Variants in GHDC observed in about 807,000 individuals in gnomAD.
The protein encoded by GHDC is GH3 domain-containing protein.
Under a neutral mutation model 51.5 loss-of-function variants are expected in GHDC, and 39 were observed. The ratio of observed to expected loss-of-function variants is 0.76; its 90% confidence interval spans 0.59 to 0.99. The LOEUF is 0.99. Ranked by LOEUF, GHDC falls within the 50% of genes least tolerant of loss-of-function variation. The pLI is 0.00. For synonymous variants in GHDC, 282 were observed against 305.2 expected (o/e 0.92, Z 0.79); for missense variants, 610 against 672.8 (o/e 0.91, Z 1.03).
chr17:42,192,162 T>C (rs1305621436), intron 5 of GHDC, 79 bp downstream of exon 5: 3 of 1,478,412 alleles, frequency 2.0e-6, no homozygotes, highest in African/African-American at 1.4e-5. Context: ...GAGATGATTA[T>C]GTAGGGCCCA....
chr17:42,190,166 C>G lies in GHDC; in HGVS notation c.1374+19G>C. 1.9e-6 allele frequency: 3 copies of G among 1,608,660 alleles called. No individual in the cohort carries two copies. Among genetic ancestry groups the G allele is most frequent in the Non-Finnish European group, 2.5e-6 (3 of 1,177,060 alleles). ...GAGTGAAGGGGTCTACAGTCAGACC[C>G]TGTCCTCGTCTCCTTTACCTTGTCT... On this transcript the variant is annotated intron_variant, in intron 9 of 9. Coordinates refer to ENST00000587427, the MANE Select transcript of GHDC (RefSeq NM_032484.5).
Position 42,189,671 on chromosome 17 carries a change from G to A in GHDC, c.*32C>T, listed in dbSNP as rs749988474. ...CAGAGGGAGGGGCGAGGTGGCCTCT[G>A]GGGGGAGCTGGGCGGTGGGGCAGGA... On this transcript the variant is annotated 3_prime_UTR_variant, in exon 10 of 10. Coordinates refer to ENST00000587427, the MANE Select transcript of GHDC (RefSeq NM_032484.5). 5 of 1,224,718 alleles carry A rather than the reference G, an allele frequency of 4.1e-6. No individual in the cohort carries two copies. The highest frequency in any genetic ancestry group is 1.5e-5 in the African/African-American group (1 of 64,976). 75.9% of individuals were successfully genotyped at this position (1,224,718 alleles called of 1,614,324 possible).
At chr17:42,192,855 C>G (rs755112603) in intron 4 of GHDC, 51 bp downstream of exon 4, 13 of 1,596,420 alleles carry the variant, frequency 8.1e-6, no homozygotes, top group Non-Finnish European at 1.1e-5. Flanking sequence ...TCAGAGGTCT[C>G]TGGTGGGACT....
At position 42,193,387 on chromosome 17, in the gene GHDC, G is replaced by A. The variant is rs1489814158; in HGVS notation, c.195C>T (p.Ser65=). ...GACACCACCTCAGGGCCTGCTGCTG[G>A]CTCTGGTGCACATGGAGCGTGCTCT... is the stretch of plus-strand genomic sequence containing the variant. ...LEQSTLHVHQ[S]QQQALRWCLQ... is the part of the protein sequence containing the mutation. The change falls in exon 3 of 10, where the codon AGC becomes AGT. Residue 65 remains serine (S), a synonymous_variant. Transcript: ENST00000587427. The A allele has an allele frequency of 6.2e-7, 1 of 1,600,016 alleles. No individual in the cohort carries two copies. The highest frequency in any genetic ancestry group is 8.5e-7 in the Non-Finnish European group (1 of 1,173,704).
At position 42,189,869 on chromosome 17, in the gene GHDC, C is replaced by T. The variant is rs1251403217; in HGVS notation, c.1427G>A (p.Trp476Ter). ...ASPRYKSLRFWGSVGPARVHL... is the reference protein window; with the variant it reads ...ASPRYKSLRF ...GACTCTGGCAGGGCCCACGCTGCCC[C>T]AGAACCGCAGGGACTTGTAGCGGGG... is the stretch of plus-strand genomic sequence containing the variant. Residue 476 changes from tryptophan (W) to a stop codon, truncating the protein, a stop_gained, in exon 10 of 10, where the codon TGG becomes TAG. Transcript: ENST00000587427. LOFTEE classifies it high-confidence loss of function. 8 of 1,561,430 alleles carry T rather than the reference C, an allele frequency of 5.1e-6. No individual in the cohort carries two copies. The highest frequency in any genetic ancestry group is 5.2e-6 in the Non-Finnish European group (6 of 1,153,858).
intron 7 of GHDC, 30 bp from the exon 8 acceptor site, chr17:42,190,787 G>A (rs1231277117): frequency 5.6e-6 from 9 of 1,613,974 alleles, no homozygotes; most frequent in Non-Finnish European, 7.6e-6. Flanking sequence ...AGGCAGTGGA[G>A]CCCAGGACAC....
chr17:42,190,612 G>T lies in GHDC; in HGVS notation c.1288+12C>A. 1 of 1,607,226 alleles carries T rather than the reference G, an allele frequency of 6.2e-7. No homozygotes were observed. On this transcript the variant is annotated intron_variant, in intron 8 of 9. Transcript: ENST00000587427. ...TCAAGGATGGTAGGCAGGAGCCGGTGGGGAGGCTCACCCAGAATGCTGCTC... is the reference window on the plus strand; with the variant it reads ...TCAAGGATGGTAGGCAGGAGCCGGTTGGGAGGCTCACCCAGAATGCTGCTC...
rs1391283102 is a variant in GHDC, at chr17:42,193,428, G to A, written c.154C>T (p.Arg52Trp). Reference protein sequence around the residue: ...GALVWAATWQRRRLEQSTLHV... With the variant: ...GALVWAATWQWRRLEQSTLHV... ...AGCGTGCTCTGCTCCAGCCTCCGCCGCTGCCAGGTGGCTGCCCAGACCAGG... is the reference window on the plus strand; with the variant it reads ...AGCGTGCTCTGCTCCAGCCTCCGCCACTGCCAGGTGGCTGCCCAGACCAGG... The change falls in exon 3 of 10, where the codon CGG becomes TGG. Residue 52 changes from arginine to tryptophan, a missense_variant. Physicochemically the swap from Arg to Trp is moderately radical, Grantham distance 101 (BLOSUM62 -3). Transcript: ENST00000587427. 5 of 1,561,264 alleles carry A rather than the reference G, an allele frequency of 3.2e-6. No individual in the cohort carries two copies. The highest frequency in any genetic ancestry group is 1.2e-5 in the South Asian group (1 of 84,814).
At position 42,189,742 on chromosome 17, in the gene GHDC, C is replaced by T; in HGVS notation, c.1554G>A (p.Arg518=). 2.1e-5 allele frequency: 32 copies of T among 1,513,872 alleles called. No homozygotes were observed. The highest frequency in any genetic ancestry group is 2.8e-5 in the Non-Finnish European group (32 of 1,131,412). The allele number at this position is 1,513,872 out of a possible 1,614,324, so 93.8% of individuals were successfully genotyped here. The change falls in exon 10 of 10, where the codon AGG becomes AGA. Residue 518 remains arginine (R), a synonymous_variant. Coordinates refer to ENST00000587427, the MANE Select transcript of GHDC (RefSeq NM_032484.5). ...PPAMPRVLRH[R]HLAQCLQERV... is the part of the protein sequence containing the mutation. The stretch of plus-strand genomic sequence containing the variant: ...TCTCCTGCAGACACTGGGCCAGGTG[C>T]CTGTGCCGAAGGACCCGGGGCATCG...
rs1333958152 is a variant in GHDC, at chr17:42,193,008, A to T, written c.285T>A (p.Asn95Lys). Residue 95 changes from asparagine to lysine, a missense_variant, in exon 4 of 10, where the codon AAT becomes AAA. Asn to Lys is a moderately conservative substitution (Grantham distance 94). Coordinates refer to ENST00000587427, the MANE Select transcript of GHDC (RefSeq NM_032484.5). ...RRSTDISTFR[N>K]HLPLTKASQT... ...GGCTGGCCTTGGTCAGAGGGAGATG[A>T]TTCCGGAAGGTGCTTATGTCTATAG... 3 of 1,614,054 alleles carry T rather than the reference A, an allele frequency of 1.9e-6. No homozygotes were observed. The highest frequency in any genetic ancestry group is 2.5e-6 in the Non-Finnish European group (3 of 1,180,022).
chr17:42,189,910 G>A lies in GHDC; in HGVS notation c.1386C>T (p.Cys462=), dbSNP rs1306246240. 1.3e-6 allele frequency: 2 copies of A among 1,537,334 alleles called. No individual in the cohort carries two copies. Among genetic ancestry groups the A allele is most frequent in the Non-Finnish European group, 1.8e-6 (2 of 1,141,090 alleles). ...SEENRDKLDH[C]LQEASPRYKS... ...TGTAGCGGGGAGAGGCTTCCTGAAGGCAGTGGTCCAGCTGGGAACAGAACA... is the reference window on the plus strand; with the variant it reads ...TGTAGCGGGGAGAGGCTTCCTGAAGACAGTGGTCCAGCTGGGAACAGAACA... The change falls in exon 10 of 10, where the codon TGC becomes TGT. Residue 462 remains cysteine, a synonymous_variant. Transcript: ENST00000587427.
At chr17:42,189,957 A>C in intron 9 of GHDC, 36 bp from the exon 10 acceptor site, 1 of 1,460,690 alleles carries the variant, frequency 6.8e-7, no homozygotes, top group South Asian at 1.3e-5. Context: ...CTGGTGTGTG[A>C]CTGTGAGTGT....
chr17:42,192,761 A>C lies in GHDC; in HGVS notation c.388-19T>G, dbSNP rs1567649105. 6.5e-7 allele frequency: 1 copy of C among 1,530,776 alleles called. No individual in the cohort carries two copies. Among genetic ancestry groups the C allele is most frequent in the Non-Finnish European group, 8.7e-7 (1 of 1,143,740 alleles). 94.8% of individuals were successfully genotyped at this position (1,530,776 alleles called of 1,614,324 possible). A position where few individuals can be genotyped will look rare whatever the true frequency, so the allele number is the denominator to read the frequency against. On this transcript the variant is annotated intron_variant, in intron 4 of 9. Coordinates refer to ENST00000587427, the MANE Select transcript of GHDC (RefSeq NM_032484.5). Reference sequence around the variant, plus strand: ...AGGTGGCCTGGAGGAGGAAAGAGAGAATGTTGGTCTGGTGTCAGAGCCAGA... The same window carrying C: ...AGGTGGCCTGGAGGAGGAAAGAGAGCATGTTGGTCTGGTGTCAGAGCCAGA...
In GHDC at chr17:42,189,557, C is replaced by A. The variant is rs948427779; in HGVS notation, c.*146G>T. On this transcript the variant is annotated 3_prime_UTR_variant, in exon 10 of 10. Transcript: ENST00000587427. ...CAGAACCGGTCAGCTGGGCCAAGGC[C>A]TCTCTAAGGCCCAGCGGCTCTCATG... The A allele has an allele frequency of 6.5e-6, 3 of 464,126 alleles. No homozygotes were observed. Among genetic ancestry groups the A allele is most frequent in the African/African-American group, 4.0e-5 (2 of 49,732 alleles). 28.8% of individuals were successfully genotyped at this position (464,126 alleles called of 1,614,324 possible). A position where few individuals can be genotyped will look rare whatever the true frequency, so the allele number is the denominator to read the frequency against.
chr17:42,190,118 C>A, intron 9 of GHDC, 67 bp downstream of exon 9: 1 of 1,544,028 alleles, frequency 6.5e-7, no homozygotes, highest in Non-Finnish European at 8.8e-7. Context: ...GCCCTGATCT[C>A]CATGGCACCC....
chr17:42,190,155 A>G, intron 9 of GHDC, 30 bp downstream of exon 9: 1 of 1,599,164 alleles, frequency 6.3e-7, no homozygotes, highest in Non-Finnish European at 8.5e-7. Context: ...GAAGGGGTCT[A>G]CAGTCAGACC....
In GHDC at chr17:42,193,418, A is replaced by G. The variant is rs750891254; in HGVS notation, c.164T>C (p.Leu55Pro). The change falls in exon 3 of 10, where the codon CTG becomes CCG. Residue 55 changes from leucine to proline, a missense_variant. By Grantham distance (98) the Leu-to-Pro change is moderately conservative. Around this residue, in one of 2 missense-constraint regions of GHDC, gnomAD observed 198 missense variants for 262.3 expected, o/e 0.75. Transcript: ENST00000587427. ...GTGCACATGGAGCGTGCTCTGCTCC[A>G]GCCTCCGCCGCTGCCAGGTGGCTGC... is the stretch of plus-strand genomic sequence containing the variant. The part of the protein sequence containing the change: ...VWAATWQRRR[L>P]EQSTLHVHQS... 6.4e-7 allele frequency: 1 copy of G among 1,569,912 alleles called. No individual in the cohort carries two copies. Among genetic ancestry groups the G allele is most frequent in the Non-Finnish European group, 8.6e-7 (1 of 1,157,722 alleles).
At position 42,190,872 on chromosome 17, in the gene GHDC, C is replaced by G. The variant is rs1264382592; in HGVS notation, c.1114G>C (p.Gly372Arg). The change falls in exon 7 of 10, where the codon GGT (glycine) becomes CGT (arginine). Residue 372 changes from glycine to arginine, a missense_variant. This residue lies in a region of GHDC where 412 missense variants were observed against 410.4 expected (regional missense o/e 1.00). Transcript: ENST00000587427. ...CRLGDVVRVV[G>R]AYNQCPVVRF... is the part of the protein sequence containing the mutation. ...ACGACTGGACACTGATTGTAGGCAC[C>G]AACCACTCGCACCACATCACCCAGG... 3 of 1,611,562 alleles carry G rather than the reference C, an allele frequency of 1.9e-6. No homozygotes were observed. Among genetic ancestry groups the G allele is most frequent in the Non-Finnish European group, 2.5e-6 (3 of 1,179,278 alleles).
At position 42,189,617 on chromosome 17, in the gene GHDC, G is replaced by A. The variant is rs2079950851; in HGVS notation, c.*86C>T. ...CAGGTGACACAGAGTCAGAGACCCTGGCCAAGGACTCCCCATCCGGAGAGG... is the reference window on the plus strand; with the variant it reads ...CAGGTGACACAGAGTCAGAGACCCTAGCCAAGGACTCCCCATCCGGAGAGG... On this transcript the variant is annotated 3_prime_UTR_variant, in exon 10 of 10. Coordinates refer to ENST00000587427, the MANE Select transcript of GHDC (RefSeq NM_032484.5). 4 of 642,384 alleles carry A rather than the reference G, an allele frequency of 6.2e-6. No individual in the cohort carries two copies. Among genetic ancestry groups the A allele is most frequent in the African/African-American group, 3.8e-5 (2 of 53,044 alleles). 39.8% of individuals were successfully genotyped at this position (642,384 alleles called of 1,614,324 possible).
Sources: gnomAD v4.1 joint callset for allele counts on GRCh38, gnomAD v4.1.1 for gene constraint, gnomAD v4.1.1 regional missense constraint, MANE v1.5 for transcripts, NCBI Gene and HGNC (gene_info 2026-07-23, HGNC 2026-07-21) for gene names.